The following GSG1L variants were observed in gnomAD, a reference collection of about 807,000 sequenced individuals.
The protein encoded by GSG1L is germ cell-specific gene 1-like protein.
GSG1L carries 24 observed loss-of-function variants against 42.1 expected under a neutral mutation model. The observed-to-expected ratio is 0.57, with a 90% CI of 0.41 to 0.80. GSG1L has a LOEUF of 0.80. Among genes scored for constraint, GSG1L ranks in the 30% least tolerant of loss-of-function variants. GSG1L has a pLI of 0.00. For synonymous variants in GSG1L, 215 were observed against 203.5 expected (o/e 1.06, Z -0.48); for missense variants, 445 against 472.2 (o/e 0.94, Z 0.53).
At chr16:27,893,007 C>T in intron 2 of GSG1L, among the ~76,000 whole-genome samples, 1 of 152,172 alleles carries the variant, frequency 6.6e-6, no homozygotes, top group East Asian at 1.9e-4. Context: ...ACAGACCAGT[C>T]TCTCAGCAGG....
intron 2 of GSG1L, among the ~76,000 whole-genome samples, chr16:27,961,335 A>G (rs1387974615): frequency 6.6e-6 from 1 of 152,230 alleles, no homozygotes; most frequent in Admixed American, 6.5e-5. Flanking sequence ...GATTTGGAGC[A>G]AAGTTGACCC....
At chr16:28,032,789 C>T (rs1385985097) in intron 1 of GSG1L, among the ~76,000 whole-genome samples, 3 of 152,160 alleles carry the variant, frequency 2.0e-5, no homozygotes, top group African/African-American at 7.2e-5. Flanking sequence ...TCAGCAGATC[C>T]TATTGGCTCT....
intron 5 of GSG1L, among the ~76,000 whole-genome samples, chr16:27,819,930 C>G (rs532194119): frequency 1.1e-4 from 16 of 152,160 alleles, no homozygotes; most frequent in African/African-American, 3.9e-4. Context: ...CCTGTTGCAG[C>G]CACAGACTAG....
intron 2 of GSG1L, among the ~76,000 whole-genome samples, chr16:27,946,499 T>C (rs1185805417): frequency 3.4e-5 from 5 of 148,632 alleles, no homozygotes; most frequent in African/African-American, 1.3e-4. Flanking sequence ...GAGCCGAAAC[T>C]GTGCCATTGC....
intron 1 of GSG1L, among the ~76,000 whole-genome samples, chr16:28,020,390 C>A (rs909391270): frequency 1.8e-4 from 27 of 152,192 alleles, no homozygotes; most frequent in African/African-American, 6.5e-4. Context: ...CAGAAGAATG[C>A]ATGAAGGGGA....
At chr16:27,937,237 C>T (rs1268582882) in intron 2 of GSG1L, among the ~76,000 whole-genome samples, 2 of 149,794 alleles carry the variant, frequency 1.3e-5, no homozygotes, top group South Asian at 2.1e-4. Context: ...TTTCTCTCTG[C>T]TCTTCTGCCT....
intron 1 of GSG1L, among the ~76,000 whole-genome samples, chr16:27,997,900 C>T (rs147508314): frequency 1.5e-5 from 2 of 134,920 alleles, no homozygotes. Flanking sequence ...CACTCTGCTA[C>T]CCAGGCTGGA....
intron 2 of GSG1L, among the ~76,000 whole-genome samples, chr16:27,941,325 T>C (rs1032067595): frequency 6.6e-6 from 1 of 151,490 alleles, no homozygotes; most frequent in Non-Finnish European, 1.5e-5. Flanking sequence ...AAACAAACAC[T>C]GTGATTCAAA....
intron 4 of GSG1L, among the ~76,000 whole-genome samples, chr16:27,829,355 G>T (rs1019541217): frequency 1.3e-5 from 2 of 152,188 alleles, no homozygotes; most frequent in African/African-American, 4.8e-5. Flanking sequence ...GCATCAAACA[G>T]CAGGGAATGT....
intron 5 of GSG1L, among the ~76,000 whole-genome samples, chr16:27,809,688 T>C (rs1025860207): frequency 6.6e-6 from 1 of 152,176 alleles, no homozygotes; most frequent in Non-Finnish European, 1.5e-5. Flanking sequence ...TCACTTGTCT[T>C]GCAGCTGTCC....
At position 27,849,942 on chromosome 16, in the gene GSG1L, A is replaced by G. The variant is rs185990664; in HGVS notation, c.551-4881T>C. 3.3e-4 allele frequency among the ~76,000 whole-genome samples: 50 copies of G among 149,642 alleles called. No individual in the cohort carries two copies. The East Asian group carries it at 8.0e-3, about 24-fold the overall frequency. On this transcript the variant is annotated intron_variant, in intron 3 of 6. Coordinates refer to ENST00000447459, the MANE Select transcript of GSG1L (RefSeq NM_001109763.2). ...GGGTTTCAGCGTCTGGGCAGATGCC[A>G]TTTGCCAAGATGAAGAAGATGAAGG...
Position 27,889,862 on chromosome 16 carries a change from A to T in GSG1L, c.398-5224T>A, listed in dbSNP as rs1644585. 5.3e-5 allele frequency among the ~76,000 whole-genome samples: 8 copies of T among 152,122 alleles called. No homozygotes were observed. In the East Asian group the frequency reaches 1.5e-3, roughly 29 times the overall value. ...GCCTCTAGATAATCTGATCTTAGAC[A>T]CAAAAATTTATGTGGATTATATCCC... On this transcript the variant is annotated intron_variant, in intron 2 of 6. Transcript: ENST00000447459.
At chr16:27,960,473 A>G (rs1279007539) in intron 2 of GSG1L, among the ~76,000 whole-genome samples, 2 of 152,350 alleles carry the variant, frequency 1.3e-5, no homozygotes, top group Non-Finnish European at 2.9e-5. Context: ...GGGATGTCCC[A>G]GAGGGAGCCA....
At chr16:27,911,882 C>A (rs2084395401) in intron 2 of GSG1L, among the ~76,000 whole-genome samples, 1 of 152,188 alleles carries the variant, frequency 6.6e-6, no homozygotes, top group Non-Finnish European at 1.5e-5. Context: ...TGACAACTTA[C>A]TTTTTTGAAA....
intron 2 of GSG1L, among the ~76,000 whole-genome samples, chr16:27,896,060 G>A (rs2084188494): frequency 6.6e-6 from 1 of 152,162 alleles, no homozygotes; most frequent in Non-Finnish European, 1.5e-5. Context: ...CCTACTGACT[G>A]AAGACCTGCA....
At chr16:27,886,188 C>T (rs2084026750) in intron 2 of GSG1L, among the ~76,000 whole-genome samples, 1 of 152,228 alleles carries the variant, frequency 6.6e-6, no homozygotes, top group African/African-American at 2.4e-5. Flanking sequence ...GCCTGTAATC[C>T]CAGCACTTTG....
In GSG1L at chr16:28,040,313, C is replaced by T. The variant is rs2086092032; in HGVS notation, c.349+22763G>A. On this transcript the variant is annotated intron_variant, in intron 1 of 6. Coordinates refer to ENST00000447459, the MANE Select transcript of GSG1L (RefSeq NM_001109763.2). This position sits in a 1 kb window ranked among gnomAD's most constrained non-coding sequence, Gnocchi z 4.1. ...AGGCTCCTTTTTGACATTCCATTCT[C>T]AAGAGAAATGTCACCTCCCCAGAGG... Among the ~76,000 whole-genome samples, 1 of 152,144 alleles carries T rather than the reference C, an allele frequency of 6.6e-6. No individual in the cohort carries two copies.
intron 5 of GSG1L, among the ~76,000 whole-genome samples, chr16:27,812,180 C>T (rs1057042652): frequency 2.0e-5 from 3 of 152,176 alleles, no homozygotes; most frequent in African/African-American, 7.2e-5. Flanking sequence ...TAACACCTGC[C>T]GAGGAGAGAG....
At chr16:27,850,724 G>C (rs2083502304) in intron 3 of GSG1L, 1 of 359,382 alleles carries the variant, frequency 2.8e-6, no homozygotes, top group Non-Finnish European at 5.5e-6. Context: ...TAGCTGGAGA[G>C]GGCCTGGGGC....
Sources: allele counts gnomAD v4.1 joint callset (sites outside exome capture counted in the v4.1 genomes callset), GRCh38; gene constraint gnomAD v4.1.1; non-coding constraint Gnocchi (gnomAD v3.1); transcripts MANE v1.5; gene names NCBI Gene and HGNC (gene_info 2026-07-23, HGNC 2026-07-21).